SLC25A26: variants seen among roughly 807,000 people sequenced by gnomAD.
SLC25A26 encodes the protein solute carrier family 25 member 26.
A neutral mutation model predicts 37.8 loss-of-function variants in SLC25A26; 36 were observed. That is an observed-to-expected ratio of 0.95 (90% CI 0.73 to 1.26). SLC25A26 has a LOEUF of 1.26. SLC25A26 is among the 50% of genes most tolerant of loss of function. The pLI, the probability that SLC25A26 is intolerant of heterozygous loss-of-function variation, is 0.00. For missense variants in SLC25A26, 390 were observed against 331.1 expected, an observed-to-expected ratio of 1.18 and a Z score of -1.38; for synonymous variants, 129 against 122.5, an observed-to-expected ratio of 1.05 and a Z score of -0.35.
At chr3:66,351,434 G>C (rs2076450989) in intron 6 of SLC25A26, among the ~76,000 whole-genome samples, 1 of 152,116 alleles carries the variant, frequency 6.6e-6, no homozygotes, top group Non-Finnish European at 1.5e-5. Flanking sequence ...GGAACTTTCT[G>C]GCAGCCCAAC....
intron 1 of SLC25A26, among the ~76,000 whole-genome samples, chr3:66,175,134 TATATATACAC>T (rs1403943205): frequency 1.4e-5 from 1 of 72,672 alleles, no homozygotes; most frequent in Non-Finnish European, 3.0e-5. Context: ...TATATATATA[TATATATACAC>T]ACACACACAC....
intron 5 of SLC25A26, among the ~76,000 whole-genome samples, chr3:66,342,614 CTT>C (rs1012631249): frequency 6.6e-6 from 1 of 152,170 alleles, no homozygotes. Flanking sequence ...TAGTCCTACA[CTT>C]TGTGATAGGT....
chr3:66,152,197 G>T (rs2070218702), intron 1 of SLC25A26, among the ~76,000 whole-genome samples: 1 of 152,174 alleles, frequency 6.6e-6, no homozygotes, highest in Non-Finnish European at 1.5e-5. Context: ...AGTAGATCTG[G>T]AGAGGAGCCT....
At chr3:66,180,924 G>C (rs781468633) in intron 1 of SLC25A26, among the ~76,000 whole-genome samples, 2 of 152,050 alleles carry the variant, frequency 1.3e-5, no homozygotes, top group Non-Finnish European at 2.9e-5. Context: ...CAATAGGACT[G>C]GTGTCCTTAT....
intron 1 of SLC25A26, among the ~76,000 whole-genome samples, chr3:66,137,911 G>A (rs1008242724): frequency 2.0e-5 from 3 of 151,994 alleles, no homozygotes; most frequent in Admixed American, 6.6e-5. Context: ...TTGGCTCTCT[G>A]CCACCTCTGC....
intron 1 of SLC25A26, among the ~76,000 whole-genome samples, chr3:66,163,734 T>C (rs4078525): frequency 0.56 from 85,038 of 152,026 alleles, 24,446 homozygotes; most frequent in African/African-American, 0.68. Flanking sequence ...GTCTCCAAGT[T>C]CTCTCTGCCT....
chr3:66,191,248 A>T (rs940562040), intron 1 of SLC25A26, among the ~76,000 whole-genome samples: 253 of 152,312 alleles, frequency 1.7e-3, no homozygotes, highest in South Asian at 7.5e-3. Context: ...ACAAAAAACT[A>T]GCCAGGTATG....
At chr3:66,142,150 C>G (rs555602849) in intron 1 of SLC25A26, among the ~76,000 whole-genome samples, 15 of 152,320 alleles carry the variant, frequency 9.8e-5, no homozygotes, top group African/African-American at 3.6e-4. Flanking sequence ...CAACCCCACT[C>G]CAGCCTCTGG....
intron 6 of SLC25A26, among the ~76,000 whole-genome samples, chr3:66,349,074 GAAA>G (rs2076391735): frequency 6.6e-6 from 1 of 152,058 alleles, no homozygotes; most frequent in South Asian, 2.1e-4. Flanking sequence ...CCTAAAGAAG[GAAA>G]AAGCATAGTG....
At chr3:66,186,302 A>T (rs1259711709) in intron 1 of SLC25A26, among the ~76,000 whole-genome samples, 2 of 152,046 alleles carry the variant, frequency 1.3e-5, no homozygotes, top group African/African-American at 4.8e-5. Context: ...TCTCACTCTG[A>T]CCCTGACCCT....
intron 1 of SLC25A26, among the ~76,000 whole-genome samples, chr3:66,221,744 G>GA (rs888122588): frequency 3.3e-5 from 5 of 150,482 alleles, no homozygotes; most frequent in East Asian, 3.9e-4. Flanking sequence ...TGAATTAACA[G>GA]AAAAAAAAGT....
intron 1 of SLC25A26, among the ~76,000 whole-genome samples, chr3:66,181,923 C>G (rs751926473): frequency 6.6e-6 from 1 of 151,950 alleles, no homozygotes; most frequent in African/African-American, 2.4e-5. Flanking sequence ...CATGAGCAAG[C>G]CTGCCTGGGA....
At chr3:66,320,772 A>G (rs945308687) in intron 5 of SLC25A26, among the ~76,000 whole-genome samples, 6 of 152,180 alleles carry the variant, frequency 3.9e-5, no homozygotes, top group African/African-American at 1.4e-4. Flanking sequence ...TTATAGTCAT[A>G]CTAATAGGTG....
chr3:66,204,445 AAAGAAAAAAGAAAGAAAAAG>A (rs2071151342), intron 1 of SLC25A26, among the ~76,000 whole-genome samples: 2 of 150,106 alleles, frequency 1.3e-5, no homozygotes, highest in Admixed American at 1.3e-4. Flanking sequence ...AAAAAGAAAA[AAAGAAAAAAGAAAGAAAAAG>A]AAAAAAGAAA....
chr3:66,258,832 CT>C (rs1292620943), intron 3 of SLC25A26, among the ~76,000 whole-genome samples: 2 of 147,338 alleles, frequency 1.4e-5, no homozygotes, highest in African/African-American at 5.1e-5. Flanking sequence ...CTTTTTTCTT[CT>C]CTTTCCTTTT....
chr3:66,339,353 C>T (rs2076156162), intron 5 of SLC25A26, among the ~76,000 whole-genome samples: 1 of 151,868 alleles, frequency 6.6e-6, no homozygotes, highest in Non-Finnish European at 1.5e-5. Flanking sequence ...GCAAATATTC[C>T]ACTCTGTGGC....
chr3:66,175,279 T>C (rs975229829), intron 1 of SLC25A26, among the ~76,000 whole-genome samples: 1 of 151,936 alleles, frequency 6.6e-6, no homozygotes, highest in Non-Finnish European at 1.5e-5. Context: ...GGCTGAACTG[T>C]TGTGGCATGA....
At chr3:66,373,774 A>T (rs1700484722) in intron 9 of SLC25A26, among the ~76,000 whole-genome samples, 1 of 151,406 alleles carries the variant, frequency 6.6e-6, no homozygotes, top group African/African-American at 2.4e-5. Flanking sequence ...TATGTGCAGT[A>T]TTGTAATGAT....
intron 6 of SLC25A26, among the ~76,000 whole-genome samples, chr3:66,359,396 C>T (rs568011477): frequency 6.6e-6 from 1 of 152,204 alleles, no homozygotes; most frequent in Non-Finnish European, 1.5e-5. Context: ...TTATGACTTG[C>T]ATAACATTTT....
Sources: gnomAD v4.1 joint callset for allele counts (sites outside exome capture counted in the v4.1 genomes callset) on GRCh38, gnomAD v4.1.1 for gene constraint, MANE v1.5 for transcripts, NCBI Gene and HGNC (gene_info 2026-07-23, HGNC 2026-07-21) for gene names.